PVT1: variants seen among roughly 807,000 people sequenced by gnomAD.
The protein encoded by PVT1 is CXCR4/PVT1 fusion.
At chr8:127,885,573 G>C (rs1184379070) in intron 2 of PVT1, among the ~76,000 whole-genome samples, 1 of 152,098 alleles carries the variant, frequency 6.6e-6, no homozygotes, top group Non-Finnish European at 1.5e-5. Flanking sequence ...AAGCCCTCCA[G>C]CCTCATGACC....
chr8:127,950,452 C>T (rs1411183097), intron 3 of PVT1, among the ~76,000 whole-genome samples: 3 of 152,208 alleles, frequency 2.0e-5, no homozygotes, highest in African/African-American at 4.8e-5. Flanking sequence ...CTGCTTCAAG[C>T]GTGGGAGCTC....
chr8:127,951,600 C>T (rs759701904), intron 3 of PVT1, among the ~76,000 whole-genome samples: 8 of 152,278 alleles, frequency 5.3e-5, no homozygotes, highest in East Asian at 1.9e-4. Context: ...CAGCAAGCCT[C>T]CCCCGGTCAT....
Position 127,979,409 on chromosome 8 carries a change from G to A in PVT1, n.783-9753G>A, listed in dbSNP as rs541664882. ...TTGCTATGATATGTTTGCCCTTCTG[G>A]TCCTGGAACCTTCATCTTGGTGACA... On this transcript the variant is annotated intron_variant and non_coding_transcript_variant, in intron 3 of 10. Transcript: ENST00000651587. Among the ~76,000 whole-genome samples, 3 of 152,304 alleles carry A rather than the reference G, an allele frequency of 2.0e-5. No individual in the cohort carries two copies. The South Asian group carries it at 6.2e-4, about 32-fold the overall frequency.
chr8:127,823,158 T>C (rs912942503), intron 2 of PVT1, among the ~76,000 whole-genome samples: 2 of 152,214 alleles, frequency 1.3e-5, no homozygotes. Flanking sequence ...TCCCAGTTTA[T>C]CTGCATGAGA....
chr8:127,984,851 TTC>T (rs1491339099), intron 3 of PVT1, among the ~76,000 whole-genome samples: 10 of 30,188 alleles, frequency 3.3e-4, no homozygotes, highest in African/African-American at 8.0e-4. Flanking sequence ...CTTTCTTTCT[TTC>T]TTTCTTTCTT....
At chr8:127,977,586 T>C (rs1005727501) in intron 3 of PVT1, among the ~76,000 whole-genome samples, 3 of 152,004 alleles carry the variant, frequency 2.0e-5, no homozygotes, top group Non-Finnish European at 4.4e-5. Flanking sequence ...TACAAAAAAG[T>C]TAGCCTGGCA....
intron 2 of PVT1, among the ~76,000 whole-genome samples, chr8:127,883,061 A>ACACAC (rs1586420720): frequency 1.4e-5 from 1 of 72,096 alleles, no homozygotes; most frequent in Admixed American, 1.4e-4. Flanking sequence ...ATGCACACAC[A>ACACAC]TCACACACAC....
At chr8:127,931,517 T>TC (rs1159490812) in intron 3 of PVT1, among the ~76,000 whole-genome samples, 2 of 152,266 alleles carry the variant, frequency 1.3e-5, no homozygotes, top group African/African-American at 2.4e-5. Context: ...CTTCATCCTC[T>TC]GTAACCCTAG....
At chr8:127,836,649 GT>G (rs1334555307) in intron 2 of PVT1, among the ~76,000 whole-genome samples, 1 of 152,154 alleles carries the variant, frequency 6.6e-6, no homozygotes, top group African/African-American at 2.4e-5. Context: ...AAATAAGAAC[GT>G]AAAAGAGTGC....
rs57334940 is a variant in PVT1, at chr8:128,042,734, GTTTATTTTAT to G, written n.913-27386_913-27377del. Among the ~76,000 whole-genome samples, 262 of 129,848 alleles carry G rather than the reference GTTTATTTTAT, an allele frequency of 2.0e-3. 2 individuals carry two copies. Among genetic ancestry groups the G allele is most frequent in the African/African-American group, 4.1e-3 (140 of 34,514 alleles). 85.2% of individuals were successfully genotyped at this position (129,848 alleles called of 152,430 possible). A position where few individuals can be genotyped will look rare whatever the true frequency, so the allele number is the denominator to read the frequency against. On this transcript the variant is annotated intron_variant and non_coding_transcript_variant, in intron 4 of 10. Transcript: ENST00000651587. Reference sequence around the variant, plus strand: ...ATCTATGAGGAGATTGGACTAGGTGGTTTATTTTATTTTATTTTATTTTATTTTATTTTAT... The same window carrying G: ...ATCTATGAGGAGATTGGACTAGGTGGTTTATTTTATTTTATTTTATTTTAT...
intron 3 of PVT1, among the ~76,000 whole-genome samples, chr8:127,944,340 G>A (rs1378366789): frequency 6.6e-6 from 1 of 152,190 alleles, no homozygotes; most frequent in Non-Finnish European, 1.5e-5. Flanking sequence ...CTTAGAGGCT[G>A]AGCATGGATT....
At chr8:127,982,651 ATAATTAATTAAT>A (rs35546489) in intron 3 of PVT1, among the ~76,000 whole-genome samples, 1 of 146,066 alleles carries the variant, frequency 6.8e-6, no homozygotes, top group East Asian at 2.0e-4. Context: ...CTCTACAAAA[ATAATTAATTAAT>A]TAATTAATTA....
rs543552072 is a variant in PVT1 at position 128,079,971 on chromosome 8, G to T, written n.1114+9610G>T. On this transcript the variant is annotated intron_variant and non_coding_transcript_variant, in intron 5 of 10. Coordinates refer to ENST00000651587, the Ensembl canonical transcript of PVT1. The stretch of plus-strand genomic sequence containing the variant: ...AATCTCGTGACCTCGTAATCCGCCC[G>T]CCTCGGCCTCCCAAGGATGTAGCCT... Among the ~76,000 whole-genome samples, 41 of 152,232 alleles carry T rather than the reference G, an allele frequency of 2.7e-4. No homozygotes were observed. In the South Asian group the frequency reaches 6.6e-3, roughly 25 times the overall value.
In PVT1 at chr8:127,936,034, C is replaced by CTTTTTTTTT. The variant is rs937905808; in HGVS notation, n.782+45052_782+45060dup. Among the ~76,000 whole-genome samples, 3 of 101,248 alleles carry CTTTTTTTTT rather than the reference C, an allele frequency of 3.0e-5. 1 individual carries two copies. Among genetic ancestry groups the CTTTTTTTTT allele is most frequent in the East Asian group, 5.7e-4 (2 of 3,528 alleles). The allele number at this position is 101,248 out of a possible 152,430, so 66.4% of individuals were successfully genotyped here. On this transcript the variant is annotated intron_variant and non_coding_transcript_variant, in intron 3 of 10. Transcript: ENST00000651587. Reference sequence around the variant, plus strand: ...CAAACAGTGTCTTCTCTCTCTCTCTCTTTTTTTTTTTTTTTTTTTTTTTTA... The same window carrying CTTTTTTTTT: ...CAAACAGTGTCTTCTCTCTCTCTCTCTTTTTTTTTTTTTTTTTTTTTTTTTTTTTTTTTA...
intron 5 of PVT1, among the ~76,000 whole-genome samples, chr8:128,083,512 T>C (rs1342474733): frequency 6.6e-6 from 1 of 152,238 alleles, no homozygotes; most frequent in Non-Finnish European, 1.5e-5. Context: ...TTAGAGAACG[T>C]TGGCTTGCAA....
chr8:128,098,075 G>A (rs1411504202), intron 6 of PVT1, among the ~76,000 whole-genome samples: 7 of 152,102 alleles, frequency 4.6e-5, no homozygotes, highest in Admixed American at 4.6e-4. Context: ...GGACCTCGGG[G>A]CCTCCCTTCC....
rs771126291 is a variant in PVT1, at chr8:127,924,886, G to A, written n.782+33888G>A. On this transcript the variant is annotated intron_variant and non_coding_transcript_variant, in intron 3 of 10. Coordinates refer to ENST00000651587, the Ensembl canonical transcript of PVT1. Reference sequence around the variant, plus strand: ...TGGTCTTGAACTCCTGGCCTTAAGCGATCCACCCACCTCGGCCTCCCTTAG... The same window carrying A: ...TGGTCTTGAACTCCTGGCCTTAAGCAATCCACCCACCTCGGCCTCCCTTAG... 1.4e-4 allele frequency among the ~76,000 whole-genome samples: 21 copies of A among 152,048 alleles called. 1 individual carries two copies. The highest frequency in any genetic ancestry group is 2.5e-4 in the Non-Finnish European group (17 of 68,010).
chr8:127,979,267 G>A (rs1025593798), intron 3 of PVT1, among the ~76,000 whole-genome samples: 1 of 152,220 alleles, frequency 6.6e-6, no homozygotes, highest in Non-Finnish European at 1.5e-5. Context: ...ATTCATCCAC[G>A]CATTCAAACG....
At chr8:128,025,327 A>G (rs1586486642) in intron 4 of PVT1, among the ~76,000 whole-genome samples, 1 of 151,908 alleles carries the variant, frequency 6.6e-6, no homozygotes, top group African/African-American at 2.4e-5. Flanking sequence ...CCCTCTTTGT[A>G]CCCCTGTCTC....
Sources: allele counts gnomAD v4.1 joint callset (sites outside exome capture counted in the v4.1 genomes callset), GRCh38; gene constraint gnomAD v4.1.1; transcripts MANE v1.5; gene names NCBI Gene and HGNC (gene_info 2026-07-23, HGNC 2026-07-21).